The following ABHD11 variants were observed in gnomAD, a reference collection of about 807,000 sequenced individuals.
ABHD11 encodes the protein sn-1-specific diacylglycerol lipase ABHD11.
ABHD11 carries 26 observed loss-of-function variants against 29.0 expected under a neutral mutation model. The observed-to-expected ratio is 0.90, with a 90% CI of 0.66 to 1.24. The LOEUF (loss-of-function observed/expected upper bound fraction) is 1.24. Among genes scored for constraint, ABHD11 ranks in the 50% most tolerant of loss-of-function variants. ABHD11 has a pLI of 0.00. For synonymous variants in ABHD11, 169 were observed against 166.4 expected (o/e 1.02, Z -0.12); for missense variants, 381 against 422.4 (o/e 0.90, Z 0.86).
In ABHD11 at chr7:73,738,327, C is replaced by A; in HGVS notation, c.261+1G>T. On this transcript the variant is annotated splice_donor_variant, in intron 2 of 5. Coordinates refer to ENST00000222800, the MANE Select transcript of ABHD11 (RefSeq NM_148912.4). LOFTEE classifies it high-confidence loss of function. Reference sequence around the variant, plus strand: ...GGAGCCCCGCCCACTCGAAAGCTCACCCTACGGCCTGTCTGCTGGGCCAAG... The same window carrying A: ...GGAGCCCCGCCCACTCGAAAGCTCAACCTACGGCCTGTCTGCTGGGCCAAG... The A allele has an allele frequency of 6.3e-7, 1 of 1,584,332 alleles. No individual in the cohort carries two copies. The highest frequency in any genetic ancestry group is 8.6e-7 in the Non-Finnish European group (1 of 1,161,926).
Position 73,736,940 on chromosome 7 carries a change from G to A in ABHD11, c.777C>T (p.Ser259=), listed in dbSNP as rs782181238. The A allele has an allele frequency of 1.9e-6, 3 of 1,613,456 alleles. No individual in the cohort carries two copies. The highest frequency in any genetic ancestry group is 1.7e-6 in the Non-Finnish European group (2 of 1,179,944). Residue 259 remains serine, a synonymous_variant, in exon 5 of 6, where the codon TCC becomes TCT. Coordinates refer to ENST00000222800, the MANE Select transcript of ABHD11 (RefSeq NM_148912.4). ...GPTLFLLGGN[S]QFVHPSHHPE... ...CCAGGCTAGCTTACTGCACGAACTG[G>A]GAGTTTCCACCAAGGAGAAAGAGTG...
intron 5 of ABHD11, 105 bp downstream of exon 5, chr7:73,736,824 C>T (rs1337627790): frequency 2.5e-6 from 4 of 1,570,988 alleles, no homozygotes; most frequent in Admixed American, 3.5e-5. Context: ...TATTTCTGGC[C>T]TCTCAGCCAC....
At position 73,736,486 on chromosome 7, in the gene ABHD11, C is replaced by T. The variant is rs1554621688; in HGVS notation, c.*73G>A. The T allele has an allele frequency of 1.5e-5, 24 of 1,580,452 alleles. No individual in the cohort carries two copies. Among genetic ancestry groups the T allele is most frequent in the Admixed American group, 8.5e-5 (5 of 58,708 alleles). On this transcript the variant is annotated 3_prime_UTR_variant, in exon 6 of 6. Coordinates refer to ENST00000222800, the MANE Select transcript of ABHD11 (RefSeq NM_148912.4). Reference sequence around the variant, plus strand: ...AACTCCTGGCCTCAAGTCATCCTCCCGCCTTAGCCTCCCAAAGTGCTGGAA... The same window carrying T: ...AACTCCTGGCCTCAAGTCATCCTCCTGCCTTAGCCTCCCAAAGTGCTGGAA...
At chr7:73,738,531 G>C in intron 1 of ABHD11, 68 bp from the exon 2 acceptor site, 1 of 1,571,916 alleles carries the variant, frequency 6.4e-7, no homozygotes, top group Non-Finnish European at 8.6e-7. Flanking sequence ...GGGGGAAAGA[G>C]CTTTGGGGGA....
At chr7:73,737,808 A>C in intron 2 of ABHD11, 73 bp from the exon 3 acceptor site, 1 of 1,543,508 alleles carries the variant, frequency 6.5e-7, no homozygotes. Context: ...GCTTGTAGGG[A>C]CAGCAGGTCA....
intron 2 of ABHD11, 95 bp downstream of exon 2, chr7:73,738,233 A>T: frequency 6.8e-7 from 1 of 1,476,152 alleles, no homozygotes; most frequent in East Asian, 2.5e-5. Flanking sequence ...TCTGGAAGTG[A>T]GCGTGAGAAG....
rs781900659 is a variant in ABHD11 at position 73,738,619 on chromosome 7, G to C, written c.125+27C>G. On this transcript the variant is annotated intron_variant, in intron 1 of 5. Transcript: ENST00000222800. The stretch of plus-strand genomic sequence containing the variant: ...GGCAGGAAAAGGAGGACAGAGGATG[G>C]CCTCCCGCCCGGTGCCCTTGACTGA... The C allele has an allele frequency of 3.2e-6, 5 of 1,581,370 alleles. No individual in the cohort carries two copies. In the Admixed American group the frequency reaches 5.5e-5, roughly 17 times the overall value.
intron 5 of ABHD11, 56 bp from the exon 6 acceptor site, chr7:73,736,747 G>T: frequency 6.2e-7 from 1 of 1,610,350 alleles, no homozygotes; most frequent in South Asian, 1.1e-5. Context: ...GAGGAGGAGT[G>T]AAAGAGACAC....
At chr7:73,737,960 G>A in intron 2 of ABHD11, 1 of 818,350 alleles carries the variant, frequency 1.2e-6, no homozygotes, top group Non-Finnish European at 2.1e-6. Context: ...TGAAGGGCTG[G>A]CCTGGCTGGG....
chr7:73,738,007 G>A, intron 2 of ABHD11: 2 of 753,130 alleles, frequency 2.7e-6, no homozygotes, highest in South Asian at 1.5e-5. Context: ...GAGACTCCAG[G>A]AATTTCCAAC....
intron 2 of ABHD11, 33 bp from the exon 3 acceptor site, chr7:73,737,768 T>C (rs1800066805): frequency 6.3e-7 from 1 of 1,586,600 alleles, no homozygotes; most frequent in African/African-American, 1.3e-5. Context: ...GCTGCGTTGA[T>C]ATCCCCATTC....
At position 73,736,099 on chromosome 7, in the gene ABHD11, G is replaced by C; in HGVS notation, c.*460C>G. 2.2e-6 allele frequency: 1 copy of C among 456,586 alleles called. No homozygotes were observed. The highest frequency in any genetic ancestry group is 4.4e-6 in the Non-Finnish European group (1 of 226,940). The allele number at this position is 456,586 out of a possible 1,614,324, so 28.3% of individuals were successfully genotyped here. On this transcript the variant is annotated 3_prime_UTR_variant, in exon 6 of 6. Coordinates refer to ENST00000222800, the MANE Select transcript of ABHD11 (RefSeq NM_148912.4). ...CACAGACCTCAGCCCAGGACTTTGG[G>C]AGTAGTGTCTTTATTCATTAAAGCC...
At chr7:73,737,980 C>T (rs868973984) in intron 2 of ABHD11, 3 of 769,538 alleles carry the variant, frequency 3.9e-6, no homozygotes, top group African/African-American at 3.4e-5. Context: ...GTGGCAATCT[C>T]GGAGAATGCC....
chr7:73,736,405 A>C lies in ABHD11; in HGVS notation c.*154T>G. On this transcript the variant is annotated 3_prime_UTR_variant, in exon 6 of 6. Transcript: ENST00000222800. ...CAGGTGTGCACCACCACGCCAGGCTAATTTTTGTATTTTTAGTAGAGACAG... is the reference window on the plus strand; with the variant it reads ...CAGGTGTGCACCACCACGCCAGGCTCATTTTTGTATTTTTAGTAGAGACAG... 3 of 991,194 alleles carry C rather than the reference A, an allele frequency of 3.0e-6. No individual in the cohort carries two copies. The highest frequency in any genetic ancestry group is 4.3e-6 in the Non-Finnish European group (3 of 689,956). The allele number at this position is 991,194 out of a possible 1,614,324, so 61.4% of individuals were successfully genotyped here. A position where few individuals can be genotyped will look rare whatever the true frequency, so the allele number is the denominator to read the frequency against.
At position 73,736,556 on chromosome 7, in the gene ABHD11, C is replaced by A; in HGVS notation, c.*3G>T. 6.2e-7 allele frequency: 1 copy of A among 1,613,760 alleles called. No homozygotes were observed. Among genetic ancestry groups the A allele is most frequent in the Non-Finnish European group, 8.5e-7 (1 of 1,180,004 alleles). On this transcript the variant is annotated 3_prime_UTR_variant, in exon 6 of 6. Transcript: ENST00000222800. ...CGCCCGGCCATCTTCTTGCCAGCAA[C>A]TCTTAGACCAGGAAGCCTCGGATGG...
Position 73,737,025 on chromosome 7 carries a change from G to A in ABHD11, c.692C>T (p.Thr231Ile). The A allele has an allele frequency of 5.0e-6, 8 of 1,614,108 alleles. No individual in the cohort carries two copies. The highest frequency in any genetic ancestry group is 5.9e-6 in the Non-Finnish European group (7 of 1,180,030). ...FVWRVNLDAL[T>I]QHLDKILAFP... ...AGCCAAGATCTTGTCTAGGTGCTGG[G>A]TCAGGGCATCCAAGTTCACCCTCCA... Residue 231 changes from threonine to isoleucine, a missense_variant, in exon 5 of 6, where the codon ACC becomes ATC. By Grantham distance (89) the Thr-to-Ile change is moderately conservative. Coordinates refer to ENST00000222800, the MANE Select transcript of ABHD11 (RefSeq NM_148912.4).
At chr7:73,738,572 G>C in intron 1 of ABHD11, 74 bp downstream of exon 1, 1 of 1,565,454 alleles carries the variant, frequency 6.4e-7, no homozygotes, top group Non-Finnish European at 8.6e-7. Flanking sequence ...CCCAAAGGGA[G>C]GAGATGGGGC....
chr7:73,737,414 G>A (rs782542113), intron 3 of ABHD11, 23 bp from the exon 4 acceptor site: 1 of 1,602,348 alleles, frequency 6.2e-7, no homozygotes, highest in Admixed American at 1.7e-5. Context: ...ACCGAACTGG[G>A]ACCAGTCTTA....
chr7:73,736,292 T>G lies in ABHD11; in HGVS notation c.*267A>C, dbSNP rs1282490260. ...TCTTGCTCTGTTGCCTAGGCTGGAGTGTAGTGGTGTGATCTCGGCTCATTG... is the reference window on the plus strand; with the variant it reads ...TCTTGCTCTGTTGCCTAGGCTGGAGGGTAGTGGTGTGATCTCGGCTCATTG... On this transcript the variant is annotated 3_prime_UTR_variant, in exon 6 of 6. Coordinates refer to ENST00000222800, the MANE Select transcript of ABHD11 (RefSeq NM_148912.4). 1 of 522,506 alleles carries G rather than the reference T, an allele frequency of 1.9e-6. No homozygotes were observed. Among genetic ancestry groups the G allele is most frequent in the Non-Finnish European group, 3.7e-6 (1 of 273,290 alleles). The allele number at this position is 522,506 out of a possible 1,614,324, so 32.4% of individuals were successfully genotyped here.
Sources: gnomAD v4.1 joint callset for allele counts on GRCh38, gnomAD v4.1.1 for gene constraint, MANE v1.5 for transcripts, NCBI Gene and HGNC (gene_info 2026-07-23, HGNC 2026-07-21) for gene names.